JAZF1: variants seen among roughly 807,000 people sequenced by gnomAD.
JAZF1 encodes JAZF zinc finger 1, also known as juxtaposed with another zinc finger protein 1.
JAZF1 carries 8 observed loss-of-function variants against 26.4 expected under a neutral mutation model. The ratio of observed to expected loss-of-function variants is 0.30; its 90% CI spans 0.18 to 0.55. JAZF1 has a LOEUF of 0.55. Ranked by LOEUF, JAZF1 falls within the 20% of genes least tolerant of loss-of-function variation. The probability of loss-of-function intolerance (pLI) is 0.94; values close to 1 mark genes in which losing one functional copy is unlikely to be tolerated. For missense variants in JAZF1, 199 were observed against 322.0 expected (o/e 0.62, Z 2.92); for synonymous variants, 126 against 122.3 (o/e 1.03, Z -0.20).
At chr7:28,158,603 C>G (rs773877234) in intron 1 of JAZF1, among the ~76,000 whole-genome samples, 5 of 152,172 alleles carry the variant, frequency 3.3e-5, no homozygotes, top group Non-Finnish European at 7.3e-5. Flanking sequence ...GTAGCACCCA[C>G]ATCAACGCAA....
At chr7:28,168,833 C>T (rs1297601237) in intron 1 of JAZF1, among the ~76,000 whole-genome samples, 2 of 152,192 alleles carry the variant, frequency 1.3e-5, no homozygotes, top group African/African-American at 4.8e-5. Context: ...ACAATCCTCC[C>T]AATGCTCGAT....
rs187575166 is a variant in JAZF1, at chr7:28,156,096, A to G, written c.115+24367T>C. On this transcript the variant is annotated intron_variant, in intron 1 of 4. Coordinates refer to ENST00000283928, the MANE Select transcript of JAZF1 (RefSeq NM_175061.4). Reference sequence around the variant, plus strand: ...CACACTGGTATCTCTGGCTGCCAAGAGTTATGCAACAACATACTTAAACAC... The same window carrying G: ...CACACTGGTATCTCTGGCTGCCAAGGGTTATGCAACAACATACTTAAACAC... 5.9e-5 allele frequency among the ~76,000 whole-genome samples: 9 copies of G among 152,358 alleles called. No homozygotes were observed. The South Asian group carries it at 1.2e-3, about 21-fold the overall frequency.
intron 1 of JAZF1, among the ~76,000 whole-genome samples, chr7:28,062,459 G>A (rs576510710): frequency 3.0e-4 from 45 of 152,186 alleles, no homozygotes; most frequent in African/African-American, 1.0e-3. Context: ...CAGTCCCTTA[G>A]TGACTACGCA....
intron 1 of JAZF1, among the ~76,000 whole-genome samples, chr7:28,131,220 G>A (rs1202946000): frequency 6.6e-6 from 1 of 151,952 alleles, no homozygotes; most frequent in Non-Finnish European, 1.5e-5. Context: ...CAGTAAGACT[G>A]GGAACCCTCA....
chr7:27,873,696 G>A (rs191450983), intron 3 of JAZF1, among the ~76,000 whole-genome samples: 263 of 152,318 alleles, frequency 1.7e-3, no homozygotes, highest in Non-Finnish European at 3.0e-3. Context: ...TCTCCTAGGA[G>A]CTTTATTTAC....
chr7:27,884,156 G>C (rs1292747051), intron 3 of JAZF1, among the ~76,000 whole-genome samples: 1 of 152,168 alleles, frequency 6.6e-6, no homozygotes, highest in Non-Finnish European at 1.5e-5. Flanking sequence ...TTAAGTGCAT[G>C]CTTGTTTTTT....
intron 1 of JAZF1, among the ~76,000 whole-genome samples, chr7:28,058,947 G>GT (rs938129206): frequency 6.6e-6 from 1 of 152,044 alleles, no homozygotes. Flanking sequence ...CTGTGTTACT[G>GT]TTTTTTTGCC....
chr7:27,985,310 G>T (rs1205789871), intron 2 of JAZF1, among the ~76,000 whole-genome samples: 1 of 152,172 alleles, frequency 6.6e-6, no homozygotes, highest in Non-Finnish European at 1.5e-5. Context: ...TACCATCAGA[G>T]AATACTATAA....
At chr7:28,103,787 T>G (rs1027551648) in intron 1 of JAZF1, among the ~76,000 whole-genome samples, 1 of 152,120 alleles carries the variant, frequency 6.6e-6, no homozygotes, top group Non-Finnish European at 1.5e-5. Context: ...ACTGGACTAT[T>G]GCAATCCCCT....
intron 1 of JAZF1, among the ~76,000 whole-genome samples, chr7:28,095,653 G>C (rs1218800202): frequency 3.9e-5 from 6 of 152,180 alleles, no homozygotes; most frequent in African/African-American, 1.4e-4. Context: ...CTCATCTTCA[G>C]TCCACCTGTC....
chr7:28,035,134 T>C (rs1300404372), intron 1 of JAZF1, among the ~76,000 whole-genome samples: 1 of 151,466 alleles, frequency 6.6e-6, no homozygotes, highest in African/African-American at 2.4e-5. Context: ...CTGGCCGACA[T>C]GGTGAAACCT....
At chr7:27,914,278 A>G (rs1224996095) in intron 2 of JAZF1, among the ~76,000 whole-genome samples, 1 of 152,120 alleles carries the variant, frequency 6.6e-6, no homozygotes, top group Non-Finnish European at 1.5e-5. Context: ...GGGGACATGG[A>G]GATGGGGACA....
chr7:27,931,951 A>G (rs542960552), intron 2 of JAZF1, among the ~76,000 whole-genome samples: 2 of 152,292 alleles, frequency 1.3e-5, no homozygotes, highest in Admixed American at 1.3e-4. Context: ...AATTAAAAAA[A>G]TCAGGTTTGG....
chr7:27,870,075 ATTTT>A (rs371770357), intron 3 of JAZF1, among the ~76,000 whole-genome samples: 21,904 of 120,838 alleles, frequency 0.18, 1,258 homozygotes, highest in East Asian at 0.29. Context: ...CACCCGGTTA[ATTTT>A]TTTTTTTTTT....
At chr7:28,076,481 C>T (rs1301186626) in intron 1 of JAZF1, among the ~76,000 whole-genome samples, 1 of 152,130 alleles carries the variant, frequency 6.6e-6, no homozygotes, top group Admixed American at 6.5e-5. Context: ...TACTCAACTC[C>T]TCCCATGACT....
chr7:27,882,598 A>G (rs1327687386), intron 3 of JAZF1, among the ~76,000 whole-genome samples: 1 of 152,244 alleles, frequency 6.6e-6, no homozygotes, highest in Non-Finnish European at 1.5e-5. Context: ...GTCCTGGGAC[A>G]GGAGCAGTGA....
chr7:28,112,927 A>T (rs955197102), intron 1 of JAZF1, among the ~76,000 whole-genome samples: 1 of 152,220 alleles, frequency 6.6e-6, no homozygotes. Flanking sequence ...AATGACGAGG[A>T]TCTCAACCCC....
At chr7:27,864,896 T>C (rs1446958300) in intron 3 of JAZF1, among the ~76,000 whole-genome samples, 2 of 152,186 alleles carry the variant, frequency 1.3e-5, no homozygotes, top group Admixed American at 1.3e-4. Context: ...CTTGGGGAAA[T>C]TTACTATAAA....
intron 1 of JAZF1, among the ~76,000 whole-genome samples, chr7:28,174,627 G>T (rs1783520703): frequency 6.6e-6 from 1 of 152,200 alleles, no homozygotes; most frequent in Non-Finnish European, 1.5e-5. Context: ...CAGAAAATGT[G>T]TATACTAAAT....
Sources: gnomAD v4.1 joint callset for allele counts (sites outside exome capture counted in the v4.1 genomes callset) on GRCh38, gnomAD v4.1.1 for gene constraint, MANE v1.5 for transcripts, NCBI Gene and HGNC (gene_info 2026-07-23, HGNC 2026-07-21) for gene names.